Variants in FER observed in about 807,000 individuals in gnomAD.
The protein encoded by FER is tyrosine-protein kinase Fer.
FER carries 63 observed loss-of-function variants against 111.0 expected under a neutral mutation model. The observed-to-expected ratio is 0.57, with a 90% confidence interval of 0.46 to 0.70. FER has a LOEUF of 0.70. FER is among the 30% of genes least tolerant of loss of function. The pLI is 0.00. For missense variants in FER, 914 were observed against 954.0 expected, an observed-to-expected ratio of 0.96 and a Z score of 0.55; for synonymous variants, 327 against 313.9, an observed-to-expected ratio of 1.04 and a Z score of -0.44.
intron 1 of FER, among the ~76,000 whole-genome samples, chr5:108,750,013 AAG>A (rs948008848): frequency 6.6e-6 from 1 of 152,214 alleles, no homozygotes; most frequent in African/African-American, 2.4e-5. Context: ...TGGTTAAAAA[AAG>A]AGCAGCTTTT....
At chr5:108,994,447 C>T (rs1763736260) in intron 13 of FER, among the ~76,000 whole-genome samples, 1 of 152,138 alleles carries the variant, frequency 6.6e-6, no homozygotes, top group African/African-American at 2.4e-5. Context: ...TCTGAGATCT[C>T]AATTCTGTTC....
chr5:109,086,503 T>A (rs1010403726), intron 16 of FER, among the ~76,000 whole-genome samples: 13 of 151,866 alleles, frequency 8.6e-5, no homozygotes, highest in African/African-American at 3.1e-4. Context: ...AGCTTTTTTT[T>A]ATAATTTGTT....
At chr5:109,093,345 A>G (rs888648553) in intron 16 of FER, among the ~76,000 whole-genome samples, 1 of 152,168 alleles carries the variant, frequency 6.6e-6, no homozygotes, top group Non-Finnish European at 1.5e-5. Context: ...TCTTGCTGCA[A>G]TGTGTTCTTT....
At chr5:109,055,567 G>C (rs1349279000) in intron 16 of FER, among the ~76,000 whole-genome samples, 1 of 151,990 alleles carries the variant, frequency 6.6e-6, no homozygotes, top group Admixed American at 6.6e-5. Context: ...CAGGAGGACT[G>C]TTGGATCCAG....
chr5:108,884,339 C>T (rs1746731437), intron 9 of FER, among the ~76,000 whole-genome samples: 1 of 151,974 alleles, frequency 6.6e-6, no homozygotes, highest in South Asian at 2.1e-4. Flanking sequence ...TTATCTCCCT[C>T]ATCATAGTGA....
chr5:108,992,790 T>C (rs1291122840), intron 13 of FER, among the ~76,000 whole-genome samples: 2 of 135,996 alleles, frequency 1.5e-5, no homozygotes, highest in Admixed American at 7.3e-5. Flanking sequence ...GACGGGGCGG[T>C]TGCCAGGCAG....
At chr5:108,837,986 T>C (rs1760842154) in intron 5 of FER, among the ~76,000 whole-genome samples, 1 of 152,212 alleles carries the variant, frequency 6.6e-6, no homozygotes, top group East Asian at 1.9e-4. Context: ...TCCTACAGAA[T>C]ATATAGTTAC....
intron 4 of FER, 116 bp downstream of exon 4, chr5:108,833,059 T>A (rs957435199): frequency 1.2e-5 from 10 of 848,734 alleles, no homozygotes; most frequent in Non-Finnish European, 1.8e-5. Flanking sequence ...AAGAAATAGG[T>A]TTATGGTCTC....
intron 16 of FER, among the ~76,000 whole-genome samples, chr5:109,073,079 T>C (rs558575772): frequency 6.6e-6 from 1 of 152,266 alleles, no homozygotes; most frequent in South Asian, 2.1e-4. Flanking sequence ...AGTAATTACA[T>C]CTGCAGAAAT....
At chr5:109,008,830 C>T (rs1168239105) in intron 13 of FER, among the ~76,000 whole-genome samples, 1 of 151,868 alleles carries the variant, frequency 6.6e-6, no homozygotes, top group African/African-American at 2.4e-5. Context: ...ATTAACCAGG[C>T]ATGGTGGCGC....
intron 10 of FER, among the ~76,000 whole-genome samples, chr5:108,927,022 T>C (rs1753833476): frequency 6.6e-6 from 1 of 152,160 alleles, no homozygotes; most frequent in Non-Finnish European, 1.5e-5. Flanking sequence ...GCTGCTTTTC[T>C]GGGTCATCTG....
At chr5:109,088,288 C>G (rs909731127) in intron 16 of FER, among the ~76,000 whole-genome samples, 1 of 152,016 alleles carries the variant, frequency 6.6e-6, no homozygotes, top group African/African-American at 2.4e-5. Context: ...TTGGACCAGG[C>G]AGTAAGTTGC....
chr5:109,153,963 A>G (rs1285084477), intron 17 of FER, among the ~76,000 whole-genome samples: 1 of 151,872 alleles, frequency 6.6e-6, no homozygotes, highest in Non-Finnish European at 1.5e-5. Flanking sequence ...AGTGGCAGGG[A>G]GCAGTGAATT....
At chr5:109,024,979 A>G (rs551274838) in intron 13 of FER, among the ~76,000 whole-genome samples, 10 of 151,448 alleles carry the variant, frequency 6.6e-5, no homozygotes, top group African/African-American at 2.2e-4. Context: ...ATTGATCTAT[A>G]TCTCTGTTTT....
At chr5:108,923,995 A>T (rs976847999) in intron 10 of FER, among the ~76,000 whole-genome samples, 3 of 152,170 alleles carry the variant, frequency 2.0e-5, no homozygotes, top group African/African-American at 7.2e-5. Context: ...TTGAGATCCA[A>T]AACCTAAAAT....
intron 16 of FER, among the ~76,000 whole-genome samples, chr5:109,080,090 A>T (rs1440338311): frequency 6.6e-6 from 1 of 152,152 alleles, no homozygotes. Flanking sequence ...AGTGAAAAAG[A>T]AATCCCAATT....
chr5:108,911,171 C>G (rs191287715), intron 10 of FER, among the ~76,000 whole-genome samples: 60 of 152,148 alleles, frequency 3.9e-4, no homozygotes, highest in African/African-American at 1.4e-3. Flanking sequence ...TTCTGACTGA[C>G]GTAAAATGAT....
At chr5:108,922,680 T>G (rs1364338203) in intron 10 of FER, among the ~76,000 whole-genome samples, 2 of 152,186 alleles carry the variant, frequency 1.3e-5, no homozygotes, top group Non-Finnish European at 2.9e-5. Context: ...AATTTTATTT[T>G]AATGAAAATA....
intron 16 of FER, among the ~76,000 whole-genome samples, chr5:109,092,992 A>G (rs1747020303): frequency 6.6e-6 from 1 of 152,228 alleles, no homozygotes; most frequent in African/African-American, 2.4e-5. Context: ...GCTAAGTGAA[A>G]TAAAACAGCC....
Sources: allele counts gnomAD v4.1 joint callset (sites outside exome capture counted in the v4.1 genomes callset), GRCh38; gene constraint gnomAD v4.1.1; transcripts MANE v1.5; gene names NCBI Gene and HGNC (gene_info 2026-07-23, HGNC 2026-07-21).